RGS6: variants seen among roughly 807,000 people sequenced by gnomAD.
RGS6 encodes regulator of G protein signaling 6, also known as regulator of G-protein signaling 6.
In RGS6, 30 loss-of-function variants were observed where a neutral mutation model predicts 78.5. That is an observed-to-expected ratio of 0.38 (90% CI 0.29 to 0.52). RGS6 has a LOEUF of 0.52. Among genes scored for constraint, RGS6 ranks in the 20% least tolerant of loss-of-function variants. The pLI, the probability that RGS6 is intolerant of heterozygous loss-of-function variation, is 0.85. For synonymous variants in RGS6, 206 were observed against 206.0 expected (o/e 1.00, Z 0.00); for missense variants, 495 against 609.7 (o/e 0.81, Z 1.98).
At chr14:72,431,559 AT>A (rs1174393398) in intron 3 of RGS6, among the ~76,000 whole-genome samples, 2 of 151,044 alleles carry the variant, frequency 1.3e-5, no homozygotes, top group Non-Finnish European at 3.0e-5. Context: ...ATTTTATTTT[AT>A]TTTAGTAGAC....
intron 2 of RGS6, among the ~76,000 whole-genome samples, chr14:72,082,755 G>A (rs2094877385): frequency 6.6e-6 from 1 of 152,002 alleles, no homozygotes; most frequent in South Asian, 2.1e-4. Flanking sequence ...GAAGTTCTTG[G>A]GGGAAATAAG....
intron 2 of RGS6, among the ~76,000 whole-genome samples, chr14:72,196,796 T>G (rs1206334252): frequency 6.6e-6 from 1 of 152,194 alleles, no homozygotes; most frequent in East Asian, 1.9e-4. Flanking sequence ...GGGCTTCTGT[T>G]CTCCTGAAAA....
intron 2 of RGS6, among the ~76,000 whole-genome samples, chr14:72,256,152 G>A (rs559625228): frequency 1.1e-4 from 16 of 152,266 alleles, no homozygotes; most frequent in African/African-American, 3.4e-4. Context: ...CAAATCCACT[G>A]CCCCAAGAGC....
chr14:72,224,458 G>T (rs2047626601), intron 2 of RGS6, among the ~76,000 whole-genome samples: 1 of 149,450 alleles, frequency 6.7e-6, no homozygotes, highest in Non-Finnish European at 1.5e-5. Flanking sequence ...TTGGGTGTGG[G>T]TTTTTTTTTT....
At chr14:72,400,082 A>C (rs570647445) in intron 3 of RGS6, among the ~76,000 whole-genome samples, 4 of 152,190 alleles carry the variant, frequency 2.6e-5, no homozygotes, top group African/African-American at 9.7e-5. Flanking sequence ...AAGACACATC[A>C]TTGTCTGATT....
the RGS6 span, among the ~76,000 whole-genome samples, chr14:72,590,721 G>A: frequency 6.6e-6 from 1 of 152,338 alleles, no homozygotes; most frequent in South Asian, 2.1e-4. Flanking sequence ...GAGGCGGGGA[G>A]AGGAGCCTAT....
chr14:72,443,819 G>T (rs529142355), intron 3 of RGS6, among the ~76,000 whole-genome samples: 6 of 152,238 alleles, frequency 3.9e-5, no homozygotes, highest in Admixed American at 3.3e-4. Context: ...TCCCAAAGCT[G>T]CAGCTCTGCT....
chr14:72,285,873 T>C (rs1360674854), intron 2 of RGS6, among the ~76,000 whole-genome samples: 2 of 152,216 alleles, frequency 1.3e-5, no homozygotes, highest in African/African-American at 4.8e-5. Context: ...TTTCTTGCCA[T>C]TGAGTTGTAG....
chr14:72,030,391 AAAT>A (rs759032316), intron 2 of RGS6, among the ~76,000 whole-genome samples: 40 of 152,086 alleles, frequency 2.6e-4, no homozygotes, highest in Non-Finnish European at 3.8e-4. Context: ...AAGTTTGAAA[AAAT>A]AAAAGGATAG....
intron 3 of RGS6, among the ~76,000 whole-genome samples, chr14:72,405,521 T>C (rs1218340412): frequency 6.6e-6 from 1 of 152,230 alleles, no homozygotes; most frequent in East Asian, 1.9e-4. Flanking sequence ...CAGTCACATA[T>C]GCCTTAACAT....
the RGS6 span, among the ~76,000 whole-genome samples, chr14:72,600,679 A>G: frequency 5.3e-5 from 8 of 151,990 alleles, no homozygotes; most frequent in African/African-American, 1.9e-4. Flanking sequence ...GTCCATGTTC[A>G]TGTTCTCAGT....
intron 3 of RGS6, among the ~76,000 whole-genome samples, chr14:72,446,911 G>A (rs1023052507): frequency 1.3e-5 from 2 of 152,140 alleles, no homozygotes; most frequent in African/African-American, 4.8e-5. Flanking sequence ...TGAGTGATGG[G>A]GAGGGGCTGT....
chr14:72,556,158 T>C (rs753099784), intron 17 of RGS6, among the ~76,000 whole-genome samples: 2 of 152,088 alleles, frequency 1.3e-5, no homozygotes, highest in African/African-American at 2.4e-5. Context: ...ATTTTCACAA[T>C]GCTATAAAGA....
chr14:72,476,109 G>A (rs972697123), intron 10 of RGS6, among the ~76,000 whole-genome samples: 1 of 152,162 alleles, frequency 6.6e-6, no homozygotes, highest in African/African-American at 2.4e-5. Flanking sequence ...CCATTGCAAA[G>A]ATTGTGTTTA....
At chr14:72,318,268 C>G (rs964037382) in intron 2 of RGS6, among the ~76,000 whole-genome samples, 7 of 152,176 alleles carry the variant, frequency 4.6e-5, no homozygotes, top group Non-Finnish European at 7.4e-5. Flanking sequence ...AGGTGGGAGG[C>G]TCAGCCAGTC....
chr14:71,999,793 C>G (rs765739462), intron 2 of RGS6, among the ~76,000 whole-genome samples: 1 of 152,186 alleles, frequency 6.6e-6, no homozygotes, highest in Admixed American at 6.5e-5. Flanking sequence ...CTTCCTGAGG[C>G]CTCCCCAGCA....
At chr14:71,926,586 A>C in the RGS6 span, among the ~76,000 whole-genome samples, 3 of 123,004 alleles carry the variant, frequency 2.4e-5, no homozygotes, top group Non-Finnish European at 5.3e-5. Context: ...TCTGTCTCAG[A>C]AAAAAAAAAA....
chr14:72,423,996 C>T (rs2094325165), intron 3 of RGS6, among the ~76,000 whole-genome samples: 1 of 152,196 alleles, frequency 6.6e-6, no homozygotes. Flanking sequence ...CCATCCCTCT[C>T]CACATGTAGC....
the RGS6 span, among the ~76,000 whole-genome samples, chr14:71,882,379 C>T: frequency 6.6e-6 from 1 of 152,176 alleles, no homozygotes; most frequent in Non-Finnish European, 1.5e-5. Context: ...TAGGTTGCTT[C>T]CCCCTTTTGG....
Sources: gnomAD v4.1 joint callset for allele counts (sites outside exome capture counted in the v4.1 genomes callset) on GRCh38, gnomAD v4.1.1 for gene constraint, MANE v1.5 for transcripts, NCBI Gene and HGNC (gene_info 2026-07-23, HGNC 2026-07-21) for gene names.